SBNO1: variants seen among roughly 807,000 people sequenced by gnomAD.
SBNO1 encodes protein strawberry notch homolog 1.
In SBNO1, 23 loss-of-function variants were observed where a neutral mutation model predicts 173.6. The ratio of observed to expected loss-of-function variants is 0.13; its 90% confidence interval spans 0.10 to 0.19. The LOEUF is 0.19. Ranked by LOEUF, SBNO1 falls within the 10% of genes least tolerant of loss-of-function variation. The probability of loss-of-function intolerance (pLI) is 1.00; values close to 1 mark genes in which losing one functional copy is unlikely to be tolerated. For missense variants in SBNO1, 1,238 were observed against 1,671.2 expected (o/e 0.74, Z 4.52); for synonymous variants, 632 against 571.5 (o/e 1.11, Z -1.51).
intron 3 of SBNO1, among the ~76,000 whole-genome samples, chr12:123,345,831 G>A (rs191270526): frequency 2.0e-5 from 3 of 152,026 alleles, no homozygotes; most frequent in African/African-American, 4.8e-5. Context: ...CACCATGCCC[G>A]GCAAATTTTT....
intron 24 of SBNO1, among the ~76,000 whole-genome samples, chr12:123,311,748 A>ATATATATATATATT (rs1255479099): frequency 3.7e-5 from 5 of 134,420 alleles, no homozygotes; most frequent in African/African-American, 1.1e-4. Context: ...ATATATATAT[A>ATATATATATATATT]TTTTTGCGAC....
At chr12:123,343,110 G>A (rs1367270701) in intron 4 of SBNO1, among the ~76,000 whole-genome samples, 1 of 152,126 alleles carries the variant, frequency 6.6e-6, no homozygotes, top group African/African-American at 2.4e-5. Flanking sequence ...GCTCATGCCT[G>A]TAATCCCAGC....
chr12:123,308,652 G>A (rs556834553), intron 28 of SBNO1, among the ~76,000 whole-genome samples: 1 of 152,174 alleles, frequency 6.6e-6, no homozygotes, highest in East Asian at 1.9e-4. Flanking sequence ...TCCAGCCTGG[G>A]TAACACAGCA....
chr12:123,303,922 C>CTTTTTTTTTTTTT (rs11413728), intron 29 of SBNO1, among the ~76,000 whole-genome samples: 1 of 100,464 alleles, frequency 1.0e-5, no homozygotes, highest in Non-Finnish European at 1.8e-5. Context: ...AATAAGTATT[C>CTTTTTTTTTTTTT]TTTTTTTTTT....
intron 5 of SBNO1, among the ~76,000 whole-genome samples, chr12:123,340,194 T>A (rs1347864248): frequency 6.6e-6 from 1 of 152,218 alleles, no homozygotes; most frequent in African/African-American, 2.4e-5. Context: ...TGTAGAAACC[T>A]ACTACATATT....
chr12:123,316,152 A>G (rs897170005), intron 21 of SBNO1, among the ~76,000 whole-genome samples: 1 of 147,336 alleles, frequency 6.8e-6, no homozygotes, highest in Non-Finnish European at 1.5e-5. Flanking sequence ...AATGCATCAT[A>G]TACTATAAAG....
rs757344135 is a variant in SBNO1, at chr12:123,328,895, A to G, written c.1135T>C (p.Phe379Leu). ...KNILVHSLNK[F>L]KYGKISSKHN... The stretch of plus-strand genomic sequence containing the variant: ...TTGGAAGAAATTTTTCCGTATTTAA[A>G]CTAAAAAAGAAAAGAAAAGAATTTA... The change falls in exon 10 of 32, where the codon TTT (phenylalanine) becomes CTT (leucine). Residue 379 changes from phenylalanine (F) to leucine (L), a missense_variant and splice_region_variant. By Grantham distance (22) the Phe-to-Leu change is conservative (BLOSUM62 0). Transcript: ENST00000602398. 2.2e-5 allele frequency: 33 copies of G among 1,508,908 alleles called. No homozygotes were observed. Among genetic ancestry groups the G allele is most frequent in the Non-Finnish European group, 2.8e-5 (31 of 1,106,766 alleles). 93.5% of individuals were successfully genotyped at this position (1,508,908 alleles called of 1,614,324 possible).
At chr12:123,352,139 T>C (rs544438249) in intron 1 of SBNO1, among the ~76,000 whole-genome samples, 80 of 152,344 alleles carry the variant, frequency 5.3e-4, no homozygotes, top group African/African-American at 1.8e-3. Context: ...TTAATTTCCC[T>C]GAAATAACCA....
At chr12:123,356,963 T>A (rs536384808) in intron 1 of SBNO1, among the ~76,000 whole-genome samples, 1 of 152,350 alleles carries the variant, frequency 6.6e-6, no homozygotes, top group African/African-American at 2.4e-5. Context: ...TTCAGCTTTA[T>A]CTGTGCTTTT....
chr12:123,353,539 G>C (rs1314878466), intron 1 of SBNO1, among the ~76,000 whole-genome samples: 1 of 152,156 alleles, frequency 6.6e-6, no homozygotes, highest in Non-Finnish European at 1.5e-5. Context: ...ATGAATGACA[G>C]AGTTAACAGG....
intron 30 of SBNO1, among the ~76,000 whole-genome samples, chr12:123,301,876 C>G (rs1460880227): frequency 6.6e-6 from 1 of 151,696 alleles, no homozygotes; most frequent in Middle Eastern, 3.2e-3. Flanking sequence ...GAGACTGTCT[C>G]TTTAAAATAA....
At chr12:123,361,784 A>G (rs1261983364) in intron 1 of SBNO1, among the ~76,000 whole-genome samples, 1 of 151,812 alleles carries the variant, frequency 6.6e-6, no homozygotes, top group African/African-American at 2.4e-5. Context: ...TCAATGAATG[A>G]ATGAATGAAT....
chr12:123,292,818 AAG>A lies in SBNO1; in HGVS notation c.*3088_*3089del, dbSNP rs1184182446. 1.3e-5 allele frequency: 2 copies of A among 152,232 alleles called. No individual in the cohort carries two copies. Among genetic ancestry groups the A allele is most frequent in the African/African-American group, 4.8e-5 (2 of 41,468 alleles). The allele number at this position is 152,232 out of a possible 1,614,324, so 9.4% of individuals were successfully genotyped here. ...TCTAACTGTAATTTAGCAGCAGAAAAAGAAAACTGCTTAACATATTTGCTTCT... is the reference window on the plus strand; with the variant it reads ...TCTAACTGTAATTTAGCAGCAGAAAAAAAACTGCTTAACATATTTGCTTCT... On this transcript the variant is annotated 3_prime_UTR_variant, in exon 32 of 32. Coordinates refer to ENST00000602398, the MANE Select transcript of SBNO1 (RefSeq NM_001167856.3).
chr12:123,363,258 T>C (rs1875602039), intron 1 of SBNO1, among the ~76,000 whole-genome samples: 1 of 152,224 alleles, frequency 6.6e-6, no homozygotes, highest in Non-Finnish European at 1.5e-5. Flanking sequence ...GCAAAATTAA[T>C]GTCCCACTCA....
chr12:123,356,512 T>G (rs1465221798), intron 1 of SBNO1, among the ~76,000 whole-genome samples: 1 of 152,204 alleles, frequency 6.6e-6, no homozygotes, highest in Non-Finnish European at 1.5e-5. Flanking sequence ...CTCAGCTCAC[T>G]GCAACCTTGA....
chr12:123,344,564 AG>A (rs2139052188), intron 4 of SBNO1, among the ~76,000 whole-genome samples: 1 of 152,260 alleles, frequency 6.6e-6, no homozygotes, highest in East Asian at 1.9e-4. Flanking sequence ...AAACACAAGC[AG>A]GCCGGGCATG....
At chr12:123,309,950 A>G (rs1379374132) in intron 25 of SBNO1, 94 bp from the exon 26 acceptor site, 2 of 976,056 alleles carry the variant, frequency 2.0e-6, no homozygotes, top group African/African-American at 3.3e-5. Flanking sequence ...TCTCTTCTAA[A>G]AGTCTTCCTT....
intron 24 of SBNO1, 60 bp downstream of exon 24, chr12:123,313,560 G>A: frequency 1.1e-6 from 1 of 907,354 alleles, no homozygotes; most frequent in South Asian, 1.5e-5. Context: ...CATTACAACA[G>A]GTTTGAGTAC....
chr12:123,350,289 G>C (rs1440387152), intron 2 of SBNO1, 21 bp downstream of exon 2: 1 of 1,611,584 alleles, frequency 6.2e-7, no homozygotes, highest in African/African-American at 1.3e-5. Context: ...CTAAGAAAGA[G>C]AGGCTTTGGA....
Sources: gnomAD v4.1 joint callset for allele counts (sites outside exome capture counted in the v4.1 genomes callset) on GRCh38, gnomAD v4.1.1 for gene constraint, MANE v1.5 for transcripts, NCBI Gene and HGNC (gene_info 2026-07-23, HGNC 2026-07-21) for gene names.